Variants in PCDHAC1 observed in about 807,000 individuals in gnomAD.
PCDHAC1 encodes the protein protocadherin alpha-C1.
In PCDHAC1, 42 loss-of-function variants were observed where a neutral mutation model predicts 60.0. That is an observed-to-expected ratio of 0.70 (90% CI 0.55 to 0.90). The LOEUF (loss-of-function observed/expected upper bound fraction) is 0.90, where lower values mean the gene tolerates loss of function less well. Among genes scored for constraint, PCDHAC1 ranks in the 40% least tolerant of loss-of-function variants. The pLI is 0.00. For missense variants in PCDHAC1, 1,160 were observed against 1,222.3 expected, an observed-to-expected ratio of 0.95 and a Z score of 0.76; for synonymous variants, 468 against 499.3, an observed-to-expected ratio of 0.94 and a Z score of 0.84.
chr5:140,978,894 C>G, intron 1 of PCDHAC1, 55 bp from the exon 2 acceptor site: 1 of 1,612,598 alleles, frequency 6.2e-7, no homozygotes, highest in South Asian at 1.1e-5. Flanking sequence ...AGCAGCATTC[C>G]TGGGAGAACA....
At chr5:140,952,146 C>T (rs1204696324) in intron 1 of PCDHAC1, among the ~76,000 whole-genome samples, 1 of 152,062 alleles carries the variant, frequency 6.6e-6, no homozygotes, top group African/African-American at 2.4e-5. Context: ...AGCTCCACTC[C>T]TGTGGCTTTG....
chr5:140,987,513 A>C (rs1324114239), intron 3 of PCDHAC1, among the ~76,000 whole-genome samples: 3 of 152,168 alleles, frequency 2.0e-5, no homozygotes, highest in Non-Finnish European at 4.4e-5. Flanking sequence ...TCTGCCACTC[A>C]GTAATTGTAT....
chr5:140,967,262 C>G (rs1554229356), intron 1 of PCDHAC1: 1 of 1,613,522 alleles, frequency 6.2e-7, no homozygotes, highest in African/African-American at 1.3e-5. Flanking sequence ...GCCTGGAGCG[C>G]GCTTTCACAT....
chr5:140,969,672 A>C (rs1251717537), intron 1 of PCDHAC1, among the ~76,000 whole-genome samples: 2 of 152,198 alleles, frequency 1.3e-5, no homozygotes, highest in African/African-American at 4.8e-5. Context: ...TAATGTTATG[A>C]GACTCAAGGA....
At chr5:140,992,457 A>G (rs2097512834) in intron 3 of PCDHAC1, among the ~76,000 whole-genome samples, 1 of 152,136 alleles carries the variant, frequency 6.6e-6, no homozygotes, top group Non-Finnish European at 1.5e-5. Context: ...GCAGCAGAGG[A>G]CAGTACTCTT....
At chr5:140,975,475 A>G (rs546732390) in intron 1 of PCDHAC1, among the ~76,000 whole-genome samples, 5 of 152,368 alleles carry the variant, frequency 3.3e-5, no homozygotes, top group African/African-American at 1.2e-4. Flanking sequence ...TCTGCCTATC[A>G]GTTTATATCA....
intron 3 of PCDHAC1, among the ~76,000 whole-genome samples, chr5:140,993,129 G>A (rs1216210971): frequency 6.6e-6 from 1 of 152,160 alleles, no homozygotes; most frequent in Non-Finnish European, 1.5e-5. Flanking sequence ...ATTTCCTTCT[G>A]TTGCAACAAG....
At chr5:140,969,293 C>A in intron 1 of PCDHAC1, 1 of 1,614,186 alleles carries the variant, frequency 6.2e-7, no homozygotes, top group Non-Finnish European at 8.5e-7. Flanking sequence ...TGCTGGGAAC[C>A]TGATTATTCT....
chr5:141,001,316 C>T (rs2098007805), intron 3 of PCDHAC1, among the ~76,000 whole-genome samples: 2 of 152,096 alleles, frequency 1.3e-5, no homozygotes, highest in African/African-American at 4.8e-5. Flanking sequence ...AAATAATTTG[C>T]CAAACATCAC....
chr5:140,990,055 C>T (rs1563562429), intron 3 of PCDHAC1, among the ~76,000 whole-genome samples: 2 of 151,866 alleles, frequency 1.3e-5, no homozygotes, highest in Non-Finnish European at 1.5e-5. Context: ...GATGGTAATA[C>T]TTAAAGGAAA....
At chr5:140,990,780 G>A (rs900658402) in intron 3 of PCDHAC1, among the ~76,000 whole-genome samples, 20 of 152,192 alleles carry the variant, frequency 1.3e-4, no homozygotes, top group African/African-American at 4.8e-4. Flanking sequence ...CTCTGTGTTG[G>A]ACGATGAACC....
intron 3 of PCDHAC1, among the ~76,000 whole-genome samples, chr5:140,988,622 A>G (rs192744779): frequency 6.6e-6 from 1 of 152,242 alleles, no homozygotes; most frequent in East Asian, 1.9e-4. Flanking sequence ...TAGAATGGAG[A>G]TGTCCTGGTT....
chr5:140,998,547 A>C (rs1173862918), intron 3 of PCDHAC1, among the ~76,000 whole-genome samples: 4 of 150,288 alleles, frequency 2.7e-5, no homozygotes, highest in African/African-American at 9.8e-5. Flanking sequence ...TCCTAATTTA[A>C]TGTCTAATTT....
intron 3 of PCDHAC1, among the ~76,000 whole-genome samples, chr5:140,998,792 G>A (rs747824792): frequency 6.6e-6 from 1 of 152,156 alleles, no homozygotes; most frequent in Non-Finnish European, 1.5e-5. Flanking sequence ...TGGAACCCCT[G>A]ACCTCAGGTG....
intron 1 of PCDHAC1, among the ~76,000 whole-genome samples, chr5:140,937,638 CATGGTGG>C (rs1563162054): frequency 2.0e-5 from 3 of 150,048 alleles, no homozygotes; most frequent in South Asian, 4.2e-4. Flanking sequence ...AAAGGCAGGG[CATGGTGG>C]CTCACGCCTG....
Position 140,928,585 on chromosome 5 carries a change from G to C in PCDHAC1, c.1693G>C (p.Val565Leu). 4 of 1,614,194 alleles carry C rather than the reference G, an allele frequency of 2.5e-6. No homozygotes were observed. The highest frequency in any genetic ancestry group is 3.4e-6 in the Non-Finnish European group (4 of 1,180,042). ...ILFPLPRNGS[V>L]PVEIVPRSAR... ...GTTTCCCTTGCCCAGAAATGGTTCT[G>C]TCCCAGTGGAAATTGTGCCCCGCTC... The change falls in exon 1 of 4, where the codon GTC becomes CTC. Residue 565 changes from valine (V) to leucine (L), a missense_variant. Val to Leu is a conservative substitution (Grantham distance 32). Around this residue, in one of 3 missense-constraint regions of PCDHAC1, gnomAD observed 1,113 missense variants for 1,163.7 expected, o/e 0.96. Transcript: ENST00000253807.
At chr5:140,968,609 G>C (rs1554230915) in intron 1 of PCDHAC1, 1 of 1,614,194 alleles carries the variant, frequency 6.2e-7, no homozygotes, top group Admixed American at 1.7e-5. Context: ...CTCAGACTCT[G>C]GGCAAAATGC....
intron 1 of PCDHAC1, among the ~76,000 whole-genome samples, chr5:140,960,819 G>A (rs1287793882): frequency 1.3e-5 from 2 of 152,146 alleles, no homozygotes; most frequent in Admixed American, 6.5e-5. Context: ...CCCAAGTGAT[G>A]AATGGAAACT....
chr5:140,977,681 A>G (rs1363970729), intron 1 of PCDHAC1, among the ~76,000 whole-genome samples: 2 of 152,208 alleles, frequency 1.3e-5, no homozygotes, highest in African/African-American at 4.8e-5. Context: ...AATATCATGT[A>G]GCCATCCAGA....
Sources: allele counts gnomAD v4.1 joint callset (sites outside exome capture counted in the v4.1 genomes callset), GRCh38; gene constraint gnomAD v4.1.1; regional missense constraint gnomAD v4.1.1; transcripts MANE v1.5; gene names NCBI Gene and HGNC (gene_info 2026-07-23, HGNC 2026-07-21).